SMIM31: variants seen among roughly 807,000 people sequenced by gnomAD.
SMIM31 encodes the protein human epithelial cell program regulator.
chr4:164,773,029 T>TA (rs56863708), intron 2 of SMIM31, among the ~76,000 whole-genome samples: 918 of 76,640 alleles, frequency 0.012, 40 homozygotes, highest in African/African-American at 0.04. Flanking sequence ...CACTTGGCTT[T>TA]AAAAAAAAAA....
chr4:164,760,430 T>G (rs1405817184), intron 1 of SMIM31, among the ~76,000 whole-genome samples: 1 of 151,986 alleles, frequency 6.6e-6, no homozygotes, highest in Non-Finnish European at 1.5e-5. Context: ...GAATGTATGT[T>G]GAAGATAAAG....
intron 1 of SMIM31, among the ~76,000 whole-genome samples, chr4:164,755,544 G>A (rs1484342135): frequency 0.028 from 224 of 8,118 alleles, 1 homozygote; most frequent in African/African-American, 0.083. Context: ...AGGAGAGGAG[G>A]GGAGGGGAGG....
At chr4:164,768,686 T>C (rs779301824) in intron 1 of SMIM31, among the ~76,000 whole-genome samples, 1 of 152,168 alleles carries the variant, frequency 6.6e-6, no homozygotes, top group Non-Finnish European at 1.5e-5. Context: ...TCATCCTTCT[T>C]TCTCCGACCT....
At chr4:164,759,652 A>G in intron 1 of SMIM31, among the ~76,000 whole-genome samples, 1 of 151,928 alleles carries the variant, frequency 6.6e-6, no homozygotes, top group East Asian at 1.9e-4. Context: ...CCACTTCATT[A>G]GATCTTCATT....
At chr4:164,777,427 C>T (rs1732891713) in intron 2 of SMIM31, among the ~76,000 whole-genome samples, 1 of 152,146 alleles carries the variant, frequency 6.6e-6, no homozygotes, top group African/African-American at 2.4e-5. Flanking sequence ...TGTGAAGCTG[C>T]AGTATCAGTT....
chr4:164,771,863 G>T (rs961881532), intron 2 of SMIM31, among the ~76,000 whole-genome samples: 2 of 152,098 alleles, frequency 1.3e-5, no homozygotes, highest in Non-Finnish European at 2.9e-5. Context: ...AAAAATGGTT[G>T]TCTCATTTTG....
chr4:164,770,118 C>T (rs1056830891), intron 1 of SMIM31, among the ~76,000 whole-genome samples: 8 of 152,156 alleles, frequency 5.3e-5, no homozygotes, highest in Admixed American at 3.3e-4. Context: ...CGTCAGCATA[C>T]CTTGTCTTTA....
intron 1 of SMIM31, among the ~76,000 whole-genome samples, chr4:164,769,627 G>A (rs13147003): frequency 3.3e-5 from 5 of 151,486 alleles, no homozygotes; most frequent in African/African-American, 7.3e-5. Flanking sequence ...GATAGCATTA[G>A]GAGATATACC....
chr4:164,786,199 G>A (rs1405641879), intron 2 of SMIM31, among the ~76,000 whole-genome samples: 2 of 152,142 alleles, frequency 1.3e-5, no homozygotes, highest in Non-Finnish European at 2.9e-5. Context: ...GCTAAGGATG[G>A]ATGTTTGTTA....
chr4:164,782,873 T>C (rs1732973474), intron 2 of SMIM31, among the ~76,000 whole-genome samples: 1 of 152,134 alleles, frequency 6.6e-6, no homozygotes, highest in Non-Finnish European at 1.5e-5. Context: ...CTTACAGTAA[T>C]TATTTCAAAA....
At chr4:164,758,382 T>A (rs1018250529) in intron 1 of SMIM31, among the ~76,000 whole-genome samples, 2 of 152,118 alleles carry the variant, frequency 1.3e-5, no homozygotes, top group African/African-American at 4.8e-5. Flanking sequence ...CTTTATTGCA[T>A]TGGCTAAAGC....
intron 2 of SMIM31, among the ~76,000 whole-genome samples, chr4:164,777,382 C>G (rs1225665163): frequency 6.6e-6 from 1 of 152,128 alleles, no homozygotes; most frequent in Non-Finnish European, 1.5e-5. Flanking sequence ...CATTTTGCAC[C>G]TATTTCGTTG....
intron 2 of SMIM31, among the ~76,000 whole-genome samples, chr4:164,778,633 AGGGAAGTAATGCTATGTCT>A (rs1732908161): frequency 6.6e-6 from 1 of 152,222 alleles, no homozygotes; most frequent in African/African-American, 2.4e-5. Context: ...ATTGTAAAGC[AGGGAAGTAATGCTATGTCT>A]ACTTTGGAGA....
At chr4:164,765,284 G>A (rs1732705337) in intron 1 of SMIM31, among the ~76,000 whole-genome samples, 1 of 152,186 alleles carries the variant, frequency 6.6e-6, no homozygotes, top group Non-Finnish European at 1.5e-5. Flanking sequence ...CAGGAGCTGG[G>A]ACACATCATT....
intron 1 of SMIM31, among the ~76,000 whole-genome samples, chr4:164,755,343 G>A (rs867387953): frequency 1.3e-4 from 20 of 150,708 alleles, no homozygotes; most frequent in Admixed American, 4.6e-4. Flanking sequence ...AGCTGGACAC[G>A]GTGGTGTGTG....
chr4:164,789,687 T>C (rs1032769561), intron 2 of SMIM31, among the ~76,000 whole-genome samples: 1 of 152,248 alleles, frequency 6.6e-6, no homozygotes, highest in Admixed American at 6.5e-5. Context: ...ATTTTATTAA[T>C]CTGACGCTTT....
chr4:164,761,473 A>G (rs1043830923), intron 1 of SMIM31, among the ~76,000 whole-genome samples: 2 of 152,192 alleles, frequency 1.3e-5, no homozygotes, highest in African/African-American at 4.8e-5. Flanking sequence ...CACATTATAA[A>G]AGAAGCCATA....
At chr4:164,783,486 T>C (rs953277782) in intron 2 of SMIM31, among the ~76,000 whole-genome samples, 21 of 142,044 alleles carry the variant, frequency 1.5e-4, no homozygotes, top group Non-Finnish European at 3.0e-4. Flanking sequence ...GTTGAGCCGC[T>C]ACACTTCAGC....
chr4:164,756,293 G>A lies in SMIM31; in HGVS notation c.-26+1882G>A, dbSNP rs559679467. Among the ~76,000 whole-genome samples, 1,243 of 152,190 alleles carry A rather than the reference G, an allele frequency of 8.2e-3. 22 individuals are homozygous for A. Among genetic ancestry groups the A allele is most frequent in the African/African-American group, 0.028 (1,164 of 41,512 alleles). On this transcript the variant is annotated intron_variant, in intron 1 of 2. Coordinates refer to ENST00000507311, the MANE Select transcript of SMIM31 (RefSeq NM_001352885.1). ...AAACTTTAAAAAGTAATAATAGGCC[G>A]GGTGCGGTGGCTCACGCCTGTAATC...
Sources: allele counts gnomAD v4.1 joint callset (sites outside exome capture counted in the v4.1 genomes callset), GRCh38; gene constraint gnomAD v4.1.1; transcripts MANE v1.5; gene names NCBI Gene and HGNC (gene_info 2026-07-23, HGNC 2026-07-21).